The following ERC2 variants were observed in gnomAD, a reference collection of about 807,000 sequenced individuals.
ERC2 encodes the protein ERC protein 2.
In ERC2, 42 loss-of-function variants were observed where a neutral mutation model predicts 114.8. The ratio of observed to expected loss-of-function variants is 0.37; its 90% CI spans 0.29 to 0.47. ERC2 has a LOEUF of 0.47. Ranked by LOEUF, ERC2 falls within the 20% of genes least tolerant of loss-of-function variation. The pLI is 0.99. For synonymous variants in ERC2, 454 were observed against 425.5 expected (o/e 1.07, Z -0.82); for missense variants, 939 against 1,150.7 (o/e 0.82, Z 2.66).
At chr3:55,738,070 T>C (rs1053495561) in intron 14 of ERC2, among the ~76,000 whole-genome samples, 3 of 152,156 alleles carry the variant, frequency 2.0e-5, no homozygotes, top group Non-Finnish European at 4.4e-5. Flanking sequence ...ACAAATATAC[T>C]AATTCTTCAC....
intron 3 of ERC2, among the ~76,000 whole-genome samples, chr3:56,180,647 T>C (rs1057153340): frequency 1.3e-5 from 2 of 151,904 alleles, no homozygotes; most frequent in Non-Finnish European, 2.9e-5. Flanking sequence ...TTGCCAGGGG[T>C]GGTGATAGGC....
chr3:55,601,126 T>C (rs1194275633), intron 17 of ERC2, among the ~76,000 whole-genome samples: 2 of 152,216 alleles, frequency 1.3e-5, no homozygotes, highest in African/African-American at 4.8e-5. Context: ...GAGGGCTGGC[T>C]GGACAAAGGA....
intron 2 of ERC2, among the ~76,000 whole-genome samples, chr3:56,309,695 G>T (rs536580566): frequency 2.6e-5 from 4 of 152,252 alleles, no homozygotes; most frequent in South Asian, 4.2e-4. Flanking sequence ...CTCACTACAG[G>T]GTTCATACAA....
At position 56,445,764 on chromosome 3, in the gene ERC2, A is replaced by C. The variant is rs140821174; in HGVS notation, c.-140-10617T>G. Among the ~76,000 whole-genome samples, 14 of 151,912 alleles carry C rather than the reference A, an allele frequency of 9.2e-5. No individual in the cohort carries two copies. The East Asian group carries it at 2.7e-3, about 29-fold the overall frequency. ...AGTCCCTTCCTGTCTCAGAGCCTTC[A>C]CTCCTGCTGTTCTCTTTGCAGGGCT... On this transcript the variant is annotated intron_variant, in intron 1 of 17. Coordinates refer to ENST00000288221, the MANE Select transcript of ERC2 (RefSeq NM_015576.3).
chr3:55,675,943 A>G (rs2061787175), intron 17 of ERC2, among the ~76,000 whole-genome samples: 3 of 38,072 alleles, frequency 7.9e-5, no homozygotes, highest in Non-Finnish European at 1.0e-4. Context: ...TTTTTGAGAG[A>G]GAGTTTCGCT....
intron 17 of ERC2, among the ~76,000 whole-genome samples, chr3:55,630,700 G>A (rs552755701): frequency 1.3e-3 from 200 of 152,308 alleles, no homozygotes; most frequent in Non-Finnish European, 2.3e-3. Flanking sequence ...TGGACACACC[G>A]TCAACTTGGA....
At position 56,204,767 on chromosome 3, in the gene ERC2, C is replaced by T. The variant is rs138373740; in HGVS notation, c.1075-31247G>A. On this transcript the variant is annotated intron_variant, in intron 3 of 17. Transcript: ENST00000288221. ...CCACCTGCCTCAGCCTCCCAAAGTG[C>T]TGGAATTACAGGTGTGAGCCACCGC... is the stretch of plus-strand genomic sequence containing the variant. 4.2e-3 allele frequency among the ~76,000 whole-genome samples: 642 copies of T among 152,166 alleles called. 2 individuals are homozygous for T. Among genetic ancestry groups the T allele is most frequent in the Non-Finnish European group, 6.1e-3 (416 of 68,008 alleles).
At chr3:55,993,017 C>G (rs2071196745) in intron 10 of ERC2, among the ~76,000 whole-genome samples, 1 of 151,996 alleles carries the variant, frequency 6.6e-6, no homozygotes. Context: ...TAATTTGCAG[C>G]CAAAGTATTT....
At chr3:55,574,954 G>A (rs2056899611) in intron 17 of ERC2, among the ~76,000 whole-genome samples, 2 of 152,190 alleles carry the variant, frequency 1.3e-5, no homozygotes, top group Non-Finnish European at 2.9e-5. Flanking sequence ...CACTGGAGGA[G>A]TGGAGACTTC....
intron 12 of ERC2, among the ~76,000 whole-genome samples, chr3:55,965,920 C>G (rs939049181): frequency 4.6e-5 from 7 of 152,206 alleles, no homozygotes; most frequent in Middle Eastern, 3.4e-3. Flanking sequence ...GGGCATAAAC[C>G]ACTTCCCCCT....
At chr3:55,524,375 C>A (rs1345045852) in intron 17 of ERC2, among the ~76,000 whole-genome samples, 1 of 152,102 alleles carries the variant, frequency 6.6e-6, no homozygotes, top group Non-Finnish European at 1.5e-5. Context: ...CAAGCTTCCC[C>A]AAAACTGCAA....
At chr3:56,347,207 T>C (rs2058344241) in intron 2 of ERC2, among the ~76,000 whole-genome samples, 1 of 152,156 alleles carries the variant, frequency 6.6e-6, no homozygotes, top group Non-Finnish European at 1.5e-5. Flanking sequence ...GTAGTGCTTG[T>C]AAAGCCCTCC....
intron 1 of ERC2, among the ~76,000 whole-genome samples, chr3:56,443,037 A>G (rs1055958907): frequency 5.9e-5 from 9 of 152,360 alleles, no homozygotes; most frequent in African/African-American, 2.2e-4. Context: ...TCTAACAGGA[A>G]AAGATAGAAG....
In ERC2 at chr3:55,997,706, G is replaced by A. The variant is rs931000900; in HGVS notation, c.2062-5456C>T. Among the ~76,000 whole-genome samples the A allele has an allele frequency of 2.0e-5, 3 of 149,834 alleles. No homozygotes were observed. In the East Asian group the frequency reaches 5.8e-4, roughly 29 times the overall value. Reference sequence around the variant, plus strand: ...ACTCCAGGAGTAGAATGATAGTTAAGCTGCAGAAAGGTTACAAAAAAAAAT... The same window carrying A: ...ACTCCAGGAGTAGAATGATAGTTAAACTGCAGAAAGGTTACAAAAAAAAAT... On this transcript the variant is annotated intron_variant, in intron 10 of 17. Coordinates refer to ENST00000288221, the MANE Select transcript of ERC2 (RefSeq NM_015576.3).
chr3:56,368,943 T>C (rs2059258096), intron 2 of ERC2, among the ~76,000 whole-genome samples: 1 of 152,018 alleles, frequency 6.6e-6, no homozygotes, highest in South Asian at 2.1e-4. Context: ...ACAGAAGCAA[T>C]GCAGAATTCC....
chr3:55,956,581 T>C (rs1419434700), intron 12 of ERC2, among the ~76,000 whole-genome samples: 1 of 152,126 alleles, frequency 6.6e-6, no homozygotes, highest in Non-Finnish European at 1.5e-5. Flanking sequence ...TGATATCCTT[T>C]CCAGGAAGAG....
intron 17 of ERC2, among the ~76,000 whole-genome samples, chr3:55,530,507 T>C (rs780986814): frequency 1.3e-5 from 2 of 152,156 alleles, no homozygotes; most frequent in Non-Finnish European, 2.9e-5. Flanking sequence ...GCTCAGGGCC[T>C]GGAGAGCAGC....
chr3:55,943,065 C>G (rs2066905641), intron 13 of ERC2, among the ~76,000 whole-genome samples: 3 of 152,182 alleles, frequency 2.0e-5, no homozygotes, highest in Admixed American at 2.0e-4. Context: ...TGACTAACCT[C>G]TGGTAGCGAT....
chr3:56,075,553 T>C (rs139641777), intron 7 of ERC2, among the ~76,000 whole-genome samples: 5 of 152,300 alleles, frequency 3.3e-5, no homozygotes, highest in Non-Finnish European at 5.9e-5. Flanking sequence ...ATCAAGTGAT[T>C]TCCTTCTGGT....
Sources: allele counts gnomAD v4.1 joint callset (sites outside exome capture counted in the v4.1 genomes callset), GRCh38; gene constraint gnomAD v4.1.1; transcripts MANE v1.5; gene names NCBI Gene and HGNC (gene_info 2026-07-23, HGNC 2026-07-21).